The following NEK11 variants were observed in gnomAD, a reference collection of about 807,000 sequenced individuals.
NEK11 encodes the protein serine/threonine-protein kinase Nek11.
NEK11 carries 72 observed loss-of-function variants against 80.7 expected under a neutral mutation model. The ratio of observed to expected loss-of-function variants is 0.89; its 90% CI spans 0.74 to 1.08. NEK11 has a LOEUF of 1.08. Among genes scored for constraint, NEK11 ranks in the 50% least tolerant of loss-of-function variants. The probability of loss-of-function intolerance (pLI) is 0.00; values close to 1 mark genes in which losing one functional copy is unlikely to be tolerated. For synonymous variants in NEK11, 251 were observed against 260.7 expected, an observed-to-expected ratio of 0.96 and a Z score of 0.36; for missense variants, 764 against 763.6, an observed-to-expected ratio of 1.00 and a Z score of -0.01.
chr3:131,157,961 C>T (rs920770281), intron 10 of NEK11, among the ~76,000 whole-genome samples: 6 of 152,132 alleles, frequency 3.9e-5, no homozygotes, highest in African/African-American at 1.4e-4. Context: ...GCTTGAGTGT[C>T]TGCAGCAGAG....
At chr3:131,105,753 G>A (rs1056832013) in intron 4 of NEK11, among the ~76,000 whole-genome samples, 1 of 152,176 alleles carries the variant, frequency 6.6e-6, no homozygotes, top group African/African-American at 2.4e-5. Context: ...CTTGACATGT[G>A]GAGATTATGG....
chr3:131,121,933 C>G (rs1396610221), intron 5 of NEK11, among the ~76,000 whole-genome samples: 1 of 152,212 alleles, frequency 6.6e-6, no homozygotes, highest in Non-Finnish European at 1.5e-5. Context: ...CTTGCACTTC[C>G]CAGGTGAGGT....
At chr3:131,230,404 A>G (rs1380771679) in intron 15 of NEK11, among the ~76,000 whole-genome samples, 2 of 152,288 alleles carry the variant, frequency 1.3e-5, no homozygotes, top group Admixed American at 1.3e-4. Context: ...GTAAAGTGGG[A>G]GAATAATGGT....
At chr3:131,209,909 T>C (rs1295256106) in intron 14 of NEK11, among the ~76,000 whole-genome samples, 1 of 152,214 alleles carries the variant, frequency 6.6e-6, no homozygotes, top group African/African-American at 2.4e-5. Context: ...CATCTATCTA[T>C]TTTGTTGATC....
intron 3 of NEK11, among the ~76,000 whole-genome samples, chr3:131,060,011 A>G (rs1209623726): frequency 6.6e-6 from 1 of 152,244 alleles, no homozygotes; most frequent in Non-Finnish European, 1.5e-5. Flanking sequence ...ATTTCAAGCC[A>G]GTGATAGCAG....
chr3:131,165,395 T>A (rs2092112232), intron 11 of NEK11, 31 bp from the exon 12 acceptor site: 2 of 1,364,936 alleles, frequency 1.5e-6, no homozygotes, highest in Non-Finnish European at 2.1e-6. Flanking sequence ...CAATTCGCAG[T>A]TATTTTTCTA....
At chr3:131,303,635 C>A (rs1242802409) in intron 17 of NEK11, among the ~76,000 whole-genome samples, 1 of 152,048 alleles carries the variant, frequency 6.6e-6, no homozygotes, top group East Asian at 1.9e-4. Flanking sequence ...GTATGAAATT[C>A]TTGATTGGAA....
chr3:131,080,357 A>G, intron 3 of NEK11, 66 bp from the exon 4 acceptor site: 1 of 1,204,342 alleles, frequency 8.3e-7, no homozygotes, highest in Non-Finnish European at 1.2e-6. Context: ...GCTCTGTACC[A>G]CTTGATGATA....
chr3:131,177,194 G>A (rs1375535912), intron 14 of NEK11, among the ~76,000 whole-genome samples: 7 of 152,180 alleles, frequency 4.6e-5, no homozygotes, highest in Non-Finnish European at 8.8e-5. Flanking sequence ...GCCAAAGAAA[G>A]CTAAGCTGCC....
chr3:131,220,638 C>A (rs72989883), intron 14 of NEK11, among the ~76,000 whole-genome samples: 9,810 of 152,196 alleles, frequency 0.064, 942 homozygotes, highest in African/African-American at 0.21. Context: ...AAAGAAAGGA[C>A]AAATAGAGAT....
At chr3:131,059,802 G>C (rs1163564366) in intron 3 of NEK11, among the ~76,000 whole-genome samples, 3 of 152,204 alleles carry the variant, frequency 2.0e-5, no homozygotes, top group Non-Finnish European at 4.4e-5. Context: ...AGGGTTGACA[G>C]AACTGAGCCC....
At chr3:131,308,255 C>A (rs72991596) in intron 17 of NEK11, among the ~76,000 whole-genome samples, 15,205 of 152,228 alleles carry the variant, frequency 0.1, 1,219 homozygotes, top group African/African-American at 0.22. Context: ...CCTCATCAGT[C>A]TTTAGTAAGG....
At chr3:131,311,115 CAA>C (rs1263393073) in intron 17 of NEK11, among the ~76,000 whole-genome samples, 1 of 151,712 alleles carries the variant, frequency 6.6e-6, no homozygotes, top group Non-Finnish European at 1.5e-5. Context: ...CACTTTTTTT[CAA>C]AAAGTTTTTA....
intron 11 of NEK11, among the ~76,000 whole-genome samples, chr3:131,164,508 T>G (rs1337043960): frequency 6.6e-6 from 1 of 152,216 alleles, no homozygotes; most frequent in Non-Finnish European, 1.5e-5. Context: ...GTGCCATGAT[T>G]CGTGTCATTG....
At chr3:131,079,873 G>A (rs1345100350) in intron 3 of NEK11, among the ~76,000 whole-genome samples, 1 of 152,092 alleles carries the variant, frequency 6.6e-6, no homozygotes, top group Non-Finnish European at 1.5e-5. Context: ...TTTAAGCTGA[G>A]AGAGAGAAGC....
chr3:131,029,809 A>T lies in NEK11; in HGVS notation c.101A>T (p.Lys34Ile), dbSNP rs759453931. The change falls in exon 3 of 18, where the codon AAA becomes ATA. Residue 34 changes from lysine (K) to isoleucine (I), a missense_variant. Physicochemically the swap from Lys to Ile is moderately radical, Grantham distance 102. Coordinates refer to ENST00000383366, the MANE Select transcript of NEK11 (RefSeq NM_024800.5). ...GCAAGAAGATACGTGCTTCAACAAA[A>T]ACTTGGCAGTGGAAGTTTTGGAACT... The part of the protein sequence containing the change: ...LIARRYVLQQ[K>I]LGSGSFGTVY... The T allele has an allele frequency of 1.4e-5, 22 of 1,614,120 alleles. No homozygotes were observed. Among genetic ancestry groups the T allele is most frequent in the African/African-American group, 2.7e-5 (2 of 74,942 alleles).
intron 3 of NEK11, among the ~76,000 whole-genome samples, chr3:131,055,188 A>G (rs1215990912): frequency 6.6e-6 from 1 of 152,240 alleles, no homozygotes; most frequent in East Asian, 1.9e-4. Flanking sequence ...ATATCAGCCA[A>G]GTGCTTAATG....
chr3:131,170,988 TGA>T (rs2092652513), intron 14 of NEK11, 101 bp downstream of exon 14: 2 of 823,596 alleles, frequency 2.4e-6, no homozygotes, highest in East Asian at 4.8e-5. Context: ...GGAGAAGCTC[TGA>T]GTGTGTGCAG....
intron 6 of NEK11, 45 bp from the exon 7 acceptor site, chr3:131,133,785 T>G (rs773715255): frequency 1.9e-6 from 3 of 1,554,074 alleles, no homozygotes; most frequent in Admixed American, 1.8e-5. Context: ...AGGGCTAATT[T>G]TTCGTTGGCT....
Sources: allele counts gnomAD v4.1 joint callset (sites outside exome capture counted in the v4.1 genomes callset), GRCh38; gene constraint gnomAD v4.1.1; transcripts MANE v1.5; gene names NCBI Gene and HGNC (gene_info 2026-07-23, HGNC 2026-07-21).